AUTS2: variants seen among roughly 807,000 people sequenced by gnomAD.
AUTS2 encodes the protein activator of transcription and developmental regulator AUTS2, also known as autism susceptibility gene 2 protein.
Under a neutral mutation model 112.4 loss-of-function variants are expected in AUTS2, and 17 were observed. The observed-to-expected ratio is 0.15, with a 90% CI of 0.10 to 0.23. The LOEUF is 0.23. Among genes scored for constraint, AUTS2 ranks in the 10% least tolerant of loss-of-function variants. The pLI, the probability that AUTS2 is intolerant of heterozygous loss-of-function variation, is 1.00. For missense variants in AUTS2, 1,510 were observed against 1,701.6 expected, an observed-to-expected ratio of 0.89 and a Z score of 1.98; for synonymous variants, 751 against 702.7, an observed-to-expected ratio of 1.07 and a Z score of -1.09.
chr7:70,684,402 C>T (rs1258447998), intron 5 of AUTS2, among the ~76,000 whole-genome samples: 1 of 152,152 alleles, frequency 6.6e-6, no homozygotes, highest in Non-Finnish European at 1.5e-5. Flanking sequence ...CATGACCCTT[C>T]AGATCTTAAA....
At chr7:70,126,445 TC>T in intron 3 of AUTS2, among the ~76,000 whole-genome samples, 1 of 152,284 alleles carries the variant, frequency 6.6e-6, no homozygotes, top group South Asian at 2.1e-4. Flanking sequence ...GCTTTGCTTT[TC>T]TAAATTATAT....
chr7:69,793,739 T>A (rs1280297548), intron 1 of AUTS2, among the ~76,000 whole-genome samples: 1 of 152,040 alleles, frequency 6.6e-6, no homozygotes, highest in Non-Finnish European at 1.5e-5. Flanking sequence ...CAGCATTTTT[T>A]AAATGTTTAA....
intron 4 of AUTS2, among the ~76,000 whole-genome samples, chr7:70,325,498 TG>T (rs1790445953): frequency 4.6e-5 from 7 of 152,132 alleles, no homozygotes; most frequent in Admixed American, 4.6e-4. Context: ...GTCCTAGATA[TG>T]GGCGTCACAA....
At chr7:70,234,250 CT>C (rs1206906698) in intron 4 of AUTS2, among the ~76,000 whole-genome samples, 16 of 152,104 alleles carry the variant, frequency 1.1e-4, no homozygotes, top group Non-Finnish European at 2.2e-4. Flanking sequence ...AGTATGGATA[CT>C]AAATGGGATA....
chr7:70,312,136 A>G (rs543925731), intron 4 of AUTS2, among the ~76,000 whole-genome samples: 2 of 152,292 alleles, frequency 1.3e-5, no homozygotes, highest in South Asian at 2.1e-4. Flanking sequence ...TGGGATTACA[A>G]GCGTGAGCCA....
chr7:70,443,199 G>A (rs1796191135), intron 5 of AUTS2, among the ~76,000 whole-genome samples: 1 of 152,134 alleles, frequency 6.6e-6, no homozygotes, highest in Non-Finnish European at 1.5e-5. Flanking sequence ...AATATGTCAG[G>A]CATTTTCAGC....
At chr7:69,704,442 T>C (rs1213877544) in intron 1 of AUTS2, among the ~76,000 whole-genome samples, 1 of 152,096 alleles carries the variant, frequency 6.6e-6, no homozygotes, top group Non-Finnish European at 1.5e-5. Flanking sequence ...CACGCCCGGC[T>C]AATTTTTTTG....
intron 4 of AUTS2, among the ~76,000 whole-genome samples, chr7:70,331,377 T>G (rs1255052941): frequency 6.6e-6 from 1 of 152,202 alleles, no homozygotes; most frequent in Admixed American, 6.5e-5. Context: ...TTTATTACTG[T>G]GGGTTCAGTG....
chr7:69,645,375 G>A (rs529190332), intron 1 of AUTS2, among the ~76,000 whole-genome samples: 1 of 152,256 alleles, frequency 6.6e-6, no homozygotes, highest in East Asian at 1.9e-4. Context: ...GGAGGACTCA[G>A]AAGTGATTTA....
chr7:70,172,776 T>G (rs1808771816), intron 4 of AUTS2, among the ~76,000 whole-genome samples: 1 of 152,242 alleles, frequency 6.6e-6, no homozygotes, highest in Non-Finnish European at 1.5e-5. Context: ...ATTATTATTA[T>G]GTCTACAATA....
chr7:70,705,722 T>G (rs1013566757), intron 6 of AUTS2, among the ~76,000 whole-genome samples: 1 of 152,156 alleles, frequency 6.6e-6, no homozygotes, highest in East Asian at 1.9e-4. Context: ...CCTGATTGTA[T>G]GAAGTGGCCC....
rs940431369 is a variant in AUTS2, at chr7:69,599,115, G to A, written c.-539G>A. ...GGGGGTGTTTTCCTGCGCGAGGGGC[G>A]GGTGAAGTTCATTGCCCCCACTTTT... On this transcript the variant is annotated 5_prime_UTR_variant, in exon 1 of 19. Coordinates refer to ENST00000342771, the MANE Select transcript of AUTS2 (RefSeq NM_015570.4). The surrounding 1 kb of genome is among the most constrained non-coding windows in gnomAD (Gnocchi z 7.0). The A allele has an allele frequency of 1.3e-5, 2 of 151,642 alleles. No homozygotes were observed. The highest frequency in any genetic ancestry group is 2.9e-5 in the Non-Finnish European group (2 of 67,918). 9.4% of individuals were successfully genotyped at this position (151,642 alleles called of 1,614,324 possible).
chr7:70,229,782 C>T (rs1811949328), intron 4 of AUTS2, among the ~76,000 whole-genome samples: 1 of 152,116 alleles, frequency 6.6e-6, no homozygotes, highest in Non-Finnish European at 1.5e-5. Context: ...TTCAGATTTA[C>T]AACCTGGATC....
At chr7:69,798,347 C>A (rs550946313) in intron 1 of AUTS2, among the ~76,000 whole-genome samples, 10 of 152,238 alleles carry the variant, frequency 6.6e-5, no homozygotes, top group Admixed American at 3.9e-4. Context: ...GCTCTCCTTG[C>A]GATTTGCCTT....
At chr7:70,133,392 T>C (rs933975573) in intron 3 of AUTS2, among the ~76,000 whole-genome samples, 1 of 152,198 alleles carries the variant, frequency 6.6e-6, no homozygotes, top group African/African-American at 2.4e-5. Flanking sequence ...TAAGTCCTTA[T>C]TAAATGCATC....
At chr7:69,968,297 A>G (rs1380038799) in intron 2 of AUTS2, among the ~76,000 whole-genome samples, 1 of 152,192 alleles carries the variant, frequency 6.6e-6, no homozygotes, top group Non-Finnish European at 1.5e-5. Context: ...CTGACCATAT[A>G]TGAGATGATC....
intron 13 of AUTS2, 173 bp from the exon 14 acceptor site, chr7:70,776,930 C>T (rs1391034207): frequency 4.5e-6 from 3 of 672,642 alleles, no homozygotes. Context: ...CTGTGACTCC[C>T]TTATGACTGG....
chr7:69,905,946 A>G (rs1795134279), intron 2 of AUTS2, among the ~76,000 whole-genome samples: 1 of 152,236 alleles, frequency 6.6e-6, no homozygotes, highest in African/African-American at 2.4e-5. Flanking sequence ...GTGACCTTTT[A>G]TATTTCCCAA....
intron 2 of AUTS2, among the ~76,000 whole-genome samples, chr7:70,066,380 G>GT (rs1698807803): frequency 6.6e-6 from 1 of 151,644 alleles, no homozygotes; most frequent in Non-Finnish European, 1.5e-5. Context: ...CTTTGTTTTT[G>GT]TTTTTTTCCA....
Sources: gnomAD v4.1 joint callset for allele counts (sites outside exome capture counted in the v4.1 genomes callset) on GRCh38, gnomAD v4.1.1 for gene constraint, Gnocchi (gnomAD v3.1) non-coding constraint, MANE v1.5 for transcripts, NCBI Gene and HGNC (gene_info 2026-07-23, HGNC 2026-07-21) for gene names.